The following CCDC63 variants were observed in gnomAD, a reference collection of about 807,000 sequenced individuals.
CCDC63 encodes the protein coiled-coil domain containing 63.
A neutral mutation model predicts 63.6 loss-of-function variants in CCDC63; 54 were observed. The observed-to-expected ratio is 0.85, with a 90% CI of 0.68 to 1.07. The LOEUF is 1.07. Among genes scored for constraint, CCDC63 ranks in the 50% least tolerant of loss-of-function variants. The probability of loss-of-function intolerance (pLI) is 0.00; values close to 1 mark genes in which losing one functional copy is unlikely to be tolerated. For synonymous variants in CCDC63, 253 were observed against 266.1 expected (o/e 0.95, Z 0.48); for missense variants, 637 against 689.6 (o/e 0.92, Z 0.86).
chr12:110,883,467 A>G (rs528147443), intron 7 of CCDC63, among the ~76,000 whole-genome samples: 26 of 152,260 alleles, frequency 1.7e-4, no homozygotes, highest in Admixed American at 8.5e-4. Context: ...GGGATTTTGT[A>G]TCAGCAGTGC....
rs960695263 is a variant in CCDC63 at position 110,858,749 on chromosome 12, G to A, written c.343G>A (p.Val115Met). The A allele has an allele frequency of 1.9e-6, 3 of 1,614,022 alleles. No homozygotes were observed. The highest frequency in any genetic ancestry group is 2.5e-6 in the Non-Finnish European group (3 of 1,179,984). ...TGAGGCATTGATTAAATCCCTGAAA[G>A]TGCTGTTGGCTGAACTGGATGAGAA... is the stretch of plus-strand genomic sequence containing the variant. ...DYEALIKSLK[V>M]LLAELDEKIL... The change falls in exon 4 of 12, where the codon GTG becomes ATG. Residue 115 changes from valine to methionine, a missense_variant. Physicochemically the swap from Val to Met is conservative, Grantham distance 21. Transcript: ENST00000308208.
chr12:110,898,663 A>C (rs551409706), intron 9 of CCDC63, among the ~76,000 whole-genome samples: 1 of 152,162 alleles, frequency 6.6e-6, no homozygotes, highest in East Asian at 1.9e-4. Flanking sequence ...ATGTAGACAC[A>C]CATAGACAAG....
chr12:110,906,804 G>A (rs985365791), intron 11 of CCDC63, among the ~76,000 whole-genome samples: 2 of 152,136 alleles, frequency 1.3e-5, no homozygotes, highest in Non-Finnish European at 2.9e-5. Flanking sequence ...TGGGGGGAGA[G>A]GTGGGCCAAG....
chr12:110,901,902 C>T (rs548479912), intron 10 of CCDC63, among the ~76,000 whole-genome samples: 1 of 152,170 alleles, frequency 6.6e-6, no homozygotes, highest in East Asian at 1.9e-4. Flanking sequence ...ATGATCTCAG[C>T]TCACTGCAAC....
intron 5 of CCDC63, among the ~76,000 whole-genome samples, chr12:110,878,945 A>G (rs1349396769): frequency 6.6e-6 from 1 of 152,254 alleles, no homozygotes; most frequent in Non-Finnish European, 1.5e-5. Context: ...TAGAGGGAAT[A>G]AAATAATGAG....
chr12:110,881,233 T>A lies in CCDC63; in HGVS notation c.790T>A (p.Ser264Thr), dbSNP rs779117795. Residue 264 changes from serine (S) to threonine (T), a missense_variant, in exon 7 of 12, where the codon TCC becomes ACC. Coordinates refer to ENST00000308208, the MANE Select transcript of CCDC63 (RefSeq NM_152591.3). ...RLYAHESKLK[S>T]FLLVKLNDRN... ...CTATGCCCATGAGAGCAAGCTCAAG[T>A]CCTTCCTGCTCGTCAAGCTGAATGA... 1 of 1,613,732 alleles carries A rather than the reference T, an allele frequency of 6.2e-7. No individual in the cohort carries two copies. Among genetic ancestry groups the A allele is most frequent in the African/African-American group, 1.3e-5 (1 of 74,886 alleles).
chr12:110,861,934 C>A (rs768732362), intron 4 of CCDC63, among the ~76,000 whole-genome samples: 1 of 152,010 alleles, frequency 6.6e-6, no homozygotes, highest in African/African-American at 2.4e-5. Flanking sequence ...CCCTACTGTG[C>A]GTGCCCGAAA....
intron 5 of CCDC63, among the ~76,000 whole-genome samples, chr12:110,879,050 A>T (rs540673027): frequency 3.9e-5 from 6 of 152,342 alleles, no homozygotes; most frequent in South Asian, 4.1e-4. Context: ...TACAAGTGTC[A>T]CGACATTTCA....
At chr12:110,867,598 A>G (rs867406809) in intron 4 of CCDC63, among the ~76,000 whole-genome samples, 453 of 61,072 alleles carry the variant, frequency 7.4e-3, no homozygotes, top group Admixed American at 9.8e-3. Context: ...CCTCCCTCCC[A>G]GACGGGGCGG....
intron 4 of CCDC63, among the ~76,000 whole-genome samples, chr12:110,862,702 G>A (rs565585929): frequency 6.8e-4 from 104 of 152,130 alleles, no homozygotes; most frequent in African/African-American, 2.4e-3. Context: ...TGGAGATGCC[G>A]CCCTTGTGGA....
At chr12:110,881,034 G>A (rs968368925) in intron 6 of CCDC63, 81 bp from the exon 7 acceptor site, 35 of 1,283,622 alleles carry the variant, frequency 2.7e-5, no homozygotes, top group Non-Finnish European at 3.7e-5. Context: ...CTCTAGGCAG[G>A]AAGGCCTTCT....
intron 4 of CCDC63, among the ~76,000 whole-genome samples, chr12:110,861,663 C>T (rs1369527629): frequency 1.3e-5 from 2 of 151,976 alleles, no homozygotes; most frequent in East Asian, 3.8e-4. Context: ...CCTCCACCTC[C>T]TGGGTTCAAG....
intron 10 of CCDC63, among the ~76,000 whole-genome samples, chr12:110,904,029 C>T (rs1440652040): frequency 6.6e-6 from 1 of 152,128 alleles, no homozygotes; most frequent in Non-Finnish European, 1.5e-5. Flanking sequence ...CGTATGTCTG[C>T]TTATGTCCTG....
chr12:110,884,144 T>C lies in CCDC63; in HGVS notation c.968T>C (p.Ile323Thr). 6.2e-7 allele frequency: 1 copy of C among 1,614,140 alleles called. No homozygotes were observed. Among genetic ancestry groups the C allele is most frequent in the Non-Finnish European group, 8.5e-7 (1 of 1,180,026 alleles). The change falls in exon 8 of 12, where the codon ATT becomes ACT. Residue 323 changes from isoleucine (I) to threonine (T), a missense_variant. Coordinates refer to ENST00000308208, the MANE Select transcript of CCDC63 (RefSeq NM_152591.3). ...LAESGNLNQL[I>T]EDFLAKEEKN... ...GAGAGTGGGAACCTAAACCAGCTCATTGAAGATTTTCTGGCCAAGGAGGAG... is the reference window on the plus strand; with the variant it reads ...GAGAGTGGGAACCTAAACCAGCTCACTGAAGATTTTCTGGCCAAGGAGGAG...
intron 5 of CCDC63, among the ~76,000 whole-genome samples, chr12:110,877,561 C>A (rs1232020539): frequency 6.6e-6 from 1 of 151,720 alleles, no homozygotes; most frequent in African/African-American, 2.4e-5. Context: ...TGATGTTGTA[C>A]CTTAGGGCTC....
chr12:110,884,883 G>C (rs2071259117), intron 8 of CCDC63, among the ~76,000 whole-genome samples: 3 of 141,596 alleles, frequency 2.1e-5, no homozygotes, highest in African/African-American at 8.0e-5. Context: ...ATTTTTAGTA[G>C]AGATGGGGTT....
chr12:110,884,400 A>G, intron 8 of CCDC63, 150 bp downstream of exon 8: 1 of 646,342 alleles, frequency 1.5e-6, no homozygotes, highest in Non-Finnish European at 2.8e-6. Flanking sequence ...TGTTTGAGAC[A>G]GGATCTTACT....
chr12:110,894,063 A>G (rs531349565), intron 9 of CCDC63, among the ~76,000 whole-genome samples: 4 of 151,786 alleles, frequency 2.6e-5, no homozygotes, highest in East Asian at 1.9e-4. Context: ...TTATGATGTC[A>G]TCAGTGACCT....
upstream of CCDC63, among the ~76,000 whole-genome samples, chr12:110,845,332 AG>A (rs1373363319): frequency 2.6e-5 from 4 of 152,138 alleles, no homozygotes; most frequent in Non-Finnish European, 5.9e-5. Flanking sequence ...ATCAGCTTGC[AG>A]GGCTGCTCAG....
Sources: allele counts gnomAD v4.1 joint callset (sites outside exome capture counted in the v4.1 genomes callset), GRCh38; gene constraint gnomAD v4.1.1; transcripts MANE v1.5; gene names NCBI Gene and HGNC (gene_info 2026-07-23, HGNC 2026-07-21).